RASSF6: variants seen among roughly 807,000 people sequenced by gnomAD.
RASSF6 encodes ras association domain-containing protein 6.
Under a neutral mutation model 44.0 loss-of-function variants are expected in RASSF6, and 52 were observed. That is an observed-to-expected ratio of 1.18 (90% CI 0.95 to 1.49). The LOEUF is 1.49. RASSF6 is among the 40% of genes most tolerant of loss of function. The pLI, the probability that RASSF6 is intolerant of heterozygous loss-of-function variation, is 0.00. For missense variants in RASSF6, 464 were observed against 393.3 expected, an observed-to-expected ratio of 1.18 and a Z score of -1.52; for synonymous variants, 162 against 124.6, an observed-to-expected ratio of 1.30 and a Z score of -2.00.
intron 3 of RASSF6, among the ~76,000 whole-genome samples, chr4:73,594,878 C>T (rs563362323): frequency 2.0e-5 from 3 of 152,204 alleles, no homozygotes; most frequent in Non-Finnish European, 4.4e-5. Context: ...AAAAACAAAA[C>T]CCACTACTCT....
intron 1 of RASSF6, among the ~76,000 whole-genome samples, chr4:73,619,738 A>G (rs1726576278): frequency 6.6e-6 from 1 of 151,980 alleles, no homozygotes; most frequent in Non-Finnish European, 1.5e-5. Context: ...CTCCCATTTA[A>G]TTATTTATGT....
intron 2 of RASSF6, among the ~76,000 whole-genome samples, chr4:73,602,382 C>T (rs1234566355): frequency 6.6e-6 from 1 of 152,134 alleles, no homozygotes. Context: ...TGATGTTCCA[C>T]GGAAAGGTGA....
intron 2 of RASSF6, among the ~76,000 whole-genome samples, chr4:73,607,711 G>T (rs1461211814): frequency 3.4e-5 from 3 of 88,660 alleles, no homozygotes; most frequent in Non-Finnish European, 6.8e-5. Flanking sequence ...TGGGGATGGA[G>T]CCTAGCAATC....
intron 6 of RASSF6, among the ~76,000 whole-genome samples, chr4:73,583,430 T>C (rs1723824348): frequency 6.6e-6 from 1 of 152,112 alleles, no homozygotes; most frequent in South Asian, 2.1e-4. Context: ...ACTGGTCAAG[T>C]TATATTCACC....
intron 2 of RASSF6, among the ~76,000 whole-genome samples, chr4:73,603,587 T>C (rs1294841691): frequency 6.6e-6 from 1 of 152,220 alleles, no homozygotes; most frequent in Non-Finnish European, 1.5e-5. Flanking sequence ...TAAAATGCTC[T>C]GGTGTACTTT....
intron 1 of RASSF6, among the ~76,000 whole-genome samples, chr4:73,612,774 G>A (rs1263867088): frequency 6.6e-6 from 1 of 151,868 alleles, no homozygotes; most frequent in Non-Finnish European, 1.5e-5. Flanking sequence ...TTATCATTCC[G>A]ATCATCCCAT....
intron 8 of RASSF6, 101 bp from the exon 9 acceptor site, chr4:73,576,832 A>G: frequency 1.4e-6 from 1 of 733,292 alleles, no homozygotes; most frequent in South Asian, 2.0e-5. Flanking sequence ...CTCACTTTGA[A>G]AAAAATAACA....
intron 1 of RASSF6, among the ~76,000 whole-genome samples, chr4:73,619,945 T>C (rs1349389671): frequency 6.6e-6 from 1 of 152,054 alleles, no homozygotes; most frequent in Non-Finnish European, 1.5e-5. Flanking sequence ...TCCAGAAGTC[T>C]AGTATCTTTG....
At chr4:73,581,333 T>C (rs944482844) in intron 8 of RASSF6, among the ~76,000 whole-genome samples, 3 of 152,146 alleles carry the variant, frequency 2.0e-5, no homozygotes, top group Non-Finnish European at 4.4e-5. Context: ...TTCTAACCTT[T>C]CACCCCTCAC....
intron 1 of RASSF6, among the ~76,000 whole-genome samples, chr4:73,612,092 CTA>C (rs1726053974): frequency 6.6e-6 from 1 of 152,132 alleles, no homozygotes; most frequent in African/African-American, 2.4e-5. Flanking sequence ...AAATATGACT[CTA>C]TTGATTTATA....
chr4:73,593,651 G>A, intron 3 of RASSF6, 58 bp from the exon 4 acceptor site: 1 of 1,274,326 alleles, frequency 7.8e-7, no homozygotes, highest in Non-Finnish European at 1.1e-6. Context: ...GACGGTAAAT[G>A]TTTTAACGAA....
At chr4:73,602,634 C>T (rs1725350939) in intron 2 of RASSF6, among the ~76,000 whole-genome samples, 1 of 152,106 alleles carries the variant, frequency 6.6e-6, no homozygotes, top group East Asian at 1.9e-4. Context: ...GCACCTTTCT[C>T]CCTCAAACCT....
chr4:73,600,254 G>A (rs1053992199), intron 2 of RASSF6, among the ~76,000 whole-genome samples: 3 of 152,056 alleles, frequency 2.0e-5, no homozygotes, highest in African/African-American at 7.2e-5. Context: ...TGTTCACACT[G>A]TATCCTGTGC....
intron 2 of RASSF6, 124 bp from the exon 3 acceptor site, chr4:73,598,842 CACTTTA>C (rs1392169478): frequency 8.1e-6 from 4 of 493,312 alleles, no homozygotes; most frequent in Admixed American, 4.4e-5. Flanking sequence ...ACTGTTCTGT[CACTTTA>C]ACTTAACATA....
At position 73,585,235 on chromosome 4, in the gene RASSF6, C is replaced by A. The variant is rs1218536769; in HGVS notation, c.512G>T (p.Arg171Ile). The change falls in exon 6 of 11, where the codon AGA (arginine) becomes ATA (isoleucine). Residue 171 changes from arginine to isoleucine, a missense_variant. Arg to Ile is a moderately conservative substitution (Grantham distance 97). Transcript: ENST00000307439. Reference sequence around the variant, plus strand: ...GGCTCTATTTTTCTGTCTTTCTTTTCTGTCCATCATCAGAGGCTTCATCCT... The same window carrying A: ...GGCTCTATTTTTCTGTCTTTCTTTTATGTCCATCATCAGAGGCTTCATCCT... ...RKRMKPLMMD[R>I]KERQKNRASI... The A allele has an allele frequency of 6.2e-7, 1 of 1,612,358 alleles. No individual in the cohort carries two copies. Among genetic ancestry groups the A allele is most frequent in the Non-Finnish European group, 8.5e-7 (1 of 1,179,012 alleles).
upstream of RASSF6, chr4:73,620,590 A>C (rs1259774791): frequency 1.2e-5 from 12 of 1,029,356 alleles, no homozygotes; most frequent in East Asian, 3.0e-4. Context: ...TCGCCACAGC[A>C]GGGAAGTGTC....
At chr4:73,609,604 T>C (rs1725871394) in intron 2 of RASSF6, among the ~76,000 whole-genome samples, 2 of 152,226 alleles carry the variant, frequency 1.3e-5, no homozygotes, top group Non-Finnish European at 2.9e-5. Context: ...TAACTATTAA[T>C]TTCCATTCTT....
At chr4:73,592,271 G>T (rs1724613374) in intron 4 of RASSF6, among the ~76,000 whole-genome samples, 1 of 152,204 alleles carries the variant, frequency 6.6e-6, no homozygotes, top group Non-Finnish European at 1.5e-5. Context: ...TTCTGTCAAG[G>T]TGATAATTAA....
chr4:73,587,116 T>C (rs552736419), intron 5 of RASSF6, among the ~76,000 whole-genome samples: 1 of 152,034 alleles, frequency 6.6e-6, no homozygotes, highest in Non-Finnish European at 1.5e-5. Flanking sequence ...GAGAATTACA[T>C]GAAAAAATTC....
Sources: allele counts gnomAD v4.1 joint callset (sites outside exome capture counted in the v4.1 genomes callset), GRCh38; gene constraint gnomAD v4.1.1; transcripts MANE v1.5; gene names NCBI Gene and HGNC (gene_info 2026-07-23, HGNC 2026-07-21).